Variants in AGTRAP observed in about 807,000 individuals in gnomAD.
AGTRAP encodes angiotensin II receptor associated protein, also known as type-1 angiotensin II receptor-associated protein.
A neutral mutation model predicts 15.2 loss-of-function variants in AGTRAP; 7 were observed. The observed-to-expected ratio is 0.46, with a 90% confidence interval of 0.26 to 0.87. The LOEUF (loss-of-function observed/expected upper bound fraction) is 0.87, where lower values mean the gene tolerates loss of function less well. AGTRAP is among the 40% of genes least tolerant of loss of function. The pLI is 0.15. For missense variants in AGTRAP, 187 were observed against 213.4 expected (o/e 0.88, Z 0.77); for synonymous variants, 74 against 89.6 (o/e 0.83, Z 0.98).
At chr1:11,746,016 T>G (rs1332470072) in intron 2 of AGTRAP, 179 bp downstream of exon 2, 20 of 1,318,268 alleles carry the variant, frequency 1.5e-5, no homozygotes, top group Non-Finnish European at 2.0e-5. Flanking sequence ...CTGCAGGAGC[T>G]GGGAGGGAGA....
At chr1:11,749,030 T>C (rs1164839414) in intron 4 of AGTRAP, among the ~76,000 whole-genome samples, 2 of 152,202 alleles carry the variant, frequency 1.3e-5, no homozygotes, top group African/African-American at 4.8e-5. Context: ...TTCCCTCTCC[T>C]GCTGCAGAGA....
At chr1:11,748,874 G>A (rs988524881) in intron 4 of AGTRAP, among the ~76,000 whole-genome samples, 2 of 152,206 alleles carry the variant, frequency 1.3e-5, no homozygotes, top group Non-Finnish European at 2.9e-5. Flanking sequence ...TCTCAGCCCA[G>A]AACACAGGCA....
intron 3 of AGTRAP, among the ~76,000 whole-genome samples, chr1:11,748,103 A>G (rs1557705396): frequency 6.6e-6 from 1 of 152,162 alleles, no homozygotes; most frequent in Non-Finnish European, 1.5e-5. Flanking sequence ...GGACTGGGTG[A>G]ACTCCAAGGA....
chr1:11,750,542 G>A lies in AGTRAP; in HGVS notation c.*350G>A, dbSNP rs1642294566. 1.1e-5 allele frequency: 6 copies of A among 534,518 alleles called. No homozygotes were observed. Among genetic ancestry groups the A allele is most frequent in the Non-Finnish European group, 1.7e-5 (5 of 299,538 alleles). 33.1% of individuals were successfully genotyped at this position (534,518 alleles called of 1,614,324 possible). A position where few individuals can be genotyped will look rare whatever the true frequency, so the allele number is the denominator to read the frequency against. On this transcript the variant is annotated 3_prime_UTR_variant, in exon 5 of 5. Coordinates refer to ENST00000314340, the MANE Select transcript of AGTRAP (RefSeq NM_020350.5). The stretch of plus-strand genomic sequence containing the variant: ...TTAAGGACTGCTGATGCCCCCTCAG[G>A]CCTCCCCCAAGTTTGCTGGGCTTTG...
intron 1 of AGTRAP, among the ~76,000 whole-genome samples, 193 bp downstream of exon 1, chr1:11,736,428 G>T (rs376047309): frequency 3.9e-5 from 6 of 152,336 alleles, no homozygotes; most frequent in African/African-American, 1.2e-4. Flanking sequence ...GCACAGGCCA[G>T]CAGGGCGACA....
At chr1:11,744,845 T>A (rs992458348) in intron 1 of AGTRAP, among the ~76,000 whole-genome samples, 3 of 152,194 alleles carry the variant, frequency 2.0e-5, no homozygotes, top group Non-Finnish European at 4.4e-5. Flanking sequence ...TTTAAAAAAA[T>A]TAATTAATTA....
Position 11,750,166 on chromosome 1 carries a change from A to G in AGTRAP, c.454A>G (p.Arg152Gly). 6.2e-7 allele frequency: 1 copy of G among 1,613,872 alleles called. No homozygotes were observed. The highest frequency in any genetic ancestry group is 8.5e-7 in the Non-Finnish European group (1 of 1,180,004). Residue 152 changes from arginine to glycine, a missense_variant, in exon 5 of 5, where the codon AGG (arginine) becomes GGG (glycine). Arg to Gly is a moderately radical substitution (Grantham distance 125). Coordinates refer to ENST00000314340, the MANE Select transcript of AGTRAP (RefSeq NM_020350.5). Reference protein sequence around the residue: ...PADPFAVPEGRSQDARGY With the variant: ...PADPFAVPEGGSQDARGY ...AGATCCCTTTGCAGTCCCAGAGGGCAGGAGTCAAGATGCCCGAGGGTACTG... is the reference window on the plus strand; with the variant it reads ...AGATCCCTTTGCAGTCCCAGAGGGCGGGAGTCAAGATGCCCGAGGGTACTG...
intron 3 of AGTRAP, 61 bp downstream of exon 3, chr1:11,747,606 C>A: frequency 1.3e-6 from 2 of 1,528,070 alleles, no homozygotes; most frequent in Admixed American, 1.7e-5. Context: ...CAAGACATAG[C>A]CTGGCTCTGC....
At chr1:11,746,755 A>G (rs2100775942) in intron 2 of AGTRAP, 1 of 158,574 alleles carries the variant, frequency 6.3e-6, no homozygotes, top group Middle Eastern at 3.3e-3. Flanking sequence ...TGAATGAGTT[A>G]ATTTAAAACA....
intron 2 of AGTRAP, among the ~76,000 whole-genome samples, chr1:11,747,071 C>A (rs1278078788): frequency 6.6e-6 from 1 of 152,210 alleles, no homozygotes; most frequent in Non-Finnish European, 1.5e-5. Context: ...GCCCCTTAGG[C>A]CCTGGTGAAG....
intron 1 of AGTRAP, among the ~76,000 whole-genome samples, chr1:11,741,812 C>T (rs1040755382): frequency 4.6e-5 from 7 of 152,194 alleles, no homozygotes; most frequent in African/African-American, 1.4e-4. Flanking sequence ...CAATAGTAGA[C>T]GAAGGTAGGT....
chr1:11,737,807 G>A (rs527921602), intron 1 of AGTRAP, among the ~76,000 whole-genome samples: 4 of 152,072 alleles, frequency 2.6e-5, no homozygotes, highest in Admixed American at 6.5e-5. Flanking sequence ...GCTGGCTTTC[G>A]GTACCCAGGA....
intron 1 of AGTRAP, among the ~76,000 whole-genome samples, chr1:11,736,564 G>A (rs1204015914): frequency 6.6e-6 from 1 of 152,212 alleles, no homozygotes; most frequent in Non-Finnish European, 1.5e-5. Flanking sequence ...CCCTGGAGGA[G>A]GAGGAAGGTG....
chr1:11,744,838 A>T (rs575687430), intron 1 of AGTRAP, among the ~76,000 whole-genome samples: 12 of 152,294 alleles, frequency 7.9e-5, no homozygotes, highest in South Asian at 6.2e-4. Flanking sequence ...TGCCCTTTTT[A>T]AAAAAATTAA....
In AGTRAP at chr1:11,745,861, G is replaced by T; in HGVS notation, c.62+24G>T. On this transcript the variant is annotated intron_variant, in intron 2 of 4. Transcript: ENST00000314340. This position sits in a 1 kb window ranked among gnomAD's most constrained non-coding sequence, Gnocchi z 4.2. ...TGGTAAGTGACTCTGTGGGTATCTT[G>T]TGTGTCTCCTGCGGTCTCAGGGTCT... The T allele has an allele frequency of 6.2e-7, 1 of 1,613,896 alleles. No individual in the cohort carries two copies. The highest frequency in any genetic ancestry group is 8.5e-7 in the Non-Finnish European group (1 of 1,179,876).
chr1:11,747,630 C>A, intron 3 of AGTRAP, 85 bp downstream of exon 3: 1 of 1,359,602 alleles, frequency 7.4e-7, no homozygotes, highest in Admixed American at 1.7e-5. Flanking sequence ...CCCGTCCCAT[C>A]CCAATCTTCC....
chr1:11,746,393 T>C (rs1395831961), intron 2 of AGTRAP: 1 of 604,438 alleles, frequency 1.7e-6, no homozygotes, highest in South Asian at 2.0e-5. Flanking sequence ...CAAAGACCTA[T>C]TGAACCGAAT....
intron 1 of AGTRAP, among the ~76,000 whole-genome samples, chr1:11,739,905 A>G (rs1641987456): frequency 6.6e-6 from 1 of 152,252 alleles, no homozygotes; most frequent in Non-Finnish European, 1.5e-5. Context: ...TCCGTTTCGC[A>G]GAAAGGAGCC....
rs1642144001 is a variant in AGTRAP at position 11,745,694 on chromosome 1, T to G, written c.28-109T>G. 1.7e-6 allele frequency: 2 copies of G among 1,198,938 alleles called. No homozygotes were observed. The highest frequency in any genetic ancestry group is 2.5e-6 in the Non-Finnish European group (2 of 804,676). The allele number at this position is 1,198,938 out of a possible 1,614,324, so 74.3% of individuals were successfully genotyped here. On this transcript the variant is annotated intron_variant, in intron 1 of 4. Transcript: ENST00000314340. This position sits in a 1 kb window ranked among gnomAD's most constrained non-coding sequence, Gnocchi z 4.2. ...TTTTCAACAGACATTACTGAGGCCC[T>G]CAGAGGTGCCAGGCGCAGGGGCGTC...
Sources: gnomAD v4.1 joint callset for allele counts (sites outside exome capture counted in the v4.1 genomes callset) on GRCh38, gnomAD v4.1.1 for gene constraint, Gnocchi (gnomAD v3.1) non-coding constraint, MANE v1.5 for transcripts, NCBI Gene and HGNC (gene_info 2026-07-23, HGNC 2026-07-21) for gene names.